SEC24D: variants seen among roughly 807,000 people sequenced by gnomAD.
SEC24D encodes the protein SEC24 homolog D, COPII component, also known as protein transport protein Sec24D.
A neutral mutation model predicts 116.9 loss-of-function variants in SEC24D; 69 were observed. The ratio of observed to expected loss-of-function variants is 0.59; its 90% CI spans 0.49 to 0.72. SEC24D has a LOEUF of 0.72. Ranked by LOEUF, SEC24D falls within the 30% of genes least tolerant of loss-of-function variation. SEC24D has a pLI of 0.00. For synonymous variants in SEC24D, 405 were observed against 442.8 expected (o/e 0.91, Z 1.07); for missense variants, 1,131 against 1,264.1 (o/e 0.89, Z 1.60).
rs772582210 is a variant in SEC24D, at chr4:118,815,523, G to C, written c.601C>G (p.Pro201Ala). 1 of 1,614,194 alleles carries C rather than the reference G, an allele frequency of 6.2e-7. No individual in the cohort carries two copies. Among genetic ancestry groups the C allele is most frequent in the Non-Finnish European group, 8.5e-7 (1 of 1,180,008 alleles). ...GGGGGCTGGTACTGGGCATTTGGAGGAGGAGGCCCAGAGAGCCCATCTGGT... is the reference window on the plus strand; with the variant it reads ...GGGGGCTGGTACTGGGCATTTGGAGCAGGAGGCCCAGAGAGCCCATCTGGT... Reference protein sequence around the residue: ...YRPDGLSGPPPPNAQYQPPPL... With the variant: ...YRPDGLSGPPAPNAQYQPPPL... Residue 201 changes from proline (P) to alanine (A), a missense_variant, in exon 5 of 23, where the codon CCT (proline) becomes GCT (alanine). Pro to Ala is a conservative substitution (Grantham distance 27). Transcript: ENST00000280551.
chr4:118,766,623 C>CA (rs1727655600), intron 9 of SEC24D: 2 of 152,320 alleles, frequency 1.3e-5, no homozygotes, highest in African/African-American at 4.8e-5. Flanking sequence ...CCTGAGCCGA[C>CA]ACTTTGGGTA....
At chr4:118,792,884 C>A (rs760248602) in intron 8 of SEC24D, among the ~76,000 whole-genome samples, 25 of 152,090 alleles carry the variant, frequency 1.6e-4, no homozygotes, top group Non-Finnish European at 3.2e-4. Flanking sequence ...CAAGAATGAT[C>A]AATAAATACT....
rs1234853039 is a variant in SEC24D at position 118,741,035 on chromosome 4, C to T, written c.1998G>A (p.Met666Ile). Residue 666 changes from methionine (M) to isoleucine (I), a missense_variant and splice_region_variant, in exon 16 of 23, where the codon ATG becomes ATA. Met to Ile is a conservative substitution (Grantham distance 10). Transcript: ENST00000280551. Reference sequence around the variant, plus strand: ...TCAAAAATTGTTGTCTATCCAAGTGCATCTAAAAAATAAAAGTCTAATCAA... The same window carrying T: ...TCAAAAATTGTTGTCTATCCAAGTGTATCTAAAAAATAAAAGTCTAATCAA... Reference protein sequence around the residue: ...GTLYKYNNFQMHLDRQQFLND... With the variant: ...GTLYKYNNFQIHLDRQQFLND... 8.4e-6 allele frequency: 13 copies of T among 1,548,622 alleles called. No homozygotes were observed. Among genetic ancestry groups the T allele is most frequent in the Non-Finnish European group, 9.6e-6 (11 of 1,140,174 alleles).
At chr4:118,778,710 G>A (rs192369583) in intron 8 of SEC24D, among the ~76,000 whole-genome samples, 249 of 152,248 alleles carry the variant, frequency 1.6e-3, no homozygotes, top group African/African-American at 5.6e-3. Flanking sequence ...CCATTTTCAC[G>A]ATATTGATTC....
chr4:118,752,663 T>C (rs1252987371), intron 12 of SEC24D, 34 bp downstream of exon 12: 1 of 1,486,048 alleles, frequency 6.7e-7, no homozygotes, highest in Non-Finnish European at 9.2e-7. Flanking sequence ...AAACACCTGA[T>C]TTACTTTTAA....
chr4:118,739,111 G>A (rs747329514), intron 18 of SEC24D, 38 bp downstream of exon 18: 36 of 1,607,352 alleles, frequency 2.2e-5, no homozygotes, highest in Non-Finnish European at 2.9e-5. Context: ...GAATTACTAA[G>A]CAAGGTTTAC....
intron 20 of SEC24D, among the ~76,000 whole-genome samples, chr4:118,732,392 G>T (rs1725738654): frequency 6.6e-6 from 1 of 152,012 alleles, no homozygotes; most frequent in African/African-American, 2.4e-5. Flanking sequence ...TGCCCGCCTT[G>T]GCCTCCCAAA....
chr4:118,827,259 C>A (rs533301255), intron 2 of SEC24D, among the ~76,000 whole-genome samples: 214 of 152,226 alleles, frequency 1.4e-3, no homozygotes, highest in African/African-American at 4.6e-3. Flanking sequence ...ACTTCACCCC[C>A]AGGGCAAAGG....
At chr4:118,733,107 T>C (rs1725777912) in intron 19 of SEC24D, 195 bp from the exon 20 acceptor site, 1 of 527,304 alleles carries the variant, frequency 1.9e-6, no homozygotes, top group South Asian at 2.3e-5. Context: ...CAGTTGTTTT[T>C]ATTTTATCTA....
chr4:118,796,525 AAAGG>A (rs1315632503), intron 8 of SEC24D, among the ~76,000 whole-genome samples: 6 of 152,176 alleles, frequency 3.9e-5, no homozygotes, highest in Admixed American at 6.5e-5. Context: ...TCTGCTCCCA[AAAGG>A]AAGTGTTGGC....
chr4:118,785,043 A>T (rs548768041), intron 8 of SEC24D, among the ~76,000 whole-genome samples: 74 of 152,194 alleles, frequency 4.9e-4, no homozygotes, highest in African/African-American at 1.8e-3. Context: ...TAGACCATGG[A>T]AACTGAACTC....
intron 8 of SEC24D, among the ~76,000 whole-genome samples, chr4:118,780,655 T>C (rs1175611752): frequency 1.3e-5 from 2 of 152,212 alleles, no homozygotes; most frequent in Non-Finnish European, 2.9e-5. Flanking sequence ...CTGGATATCC[T>C]TGTTAACCTT....
intron 8 of SEC24D, among the ~76,000 whole-genome samples, chr4:118,791,220 T>G (rs1033147805): frequency 2.0e-5 from 3 of 151,966 alleles, no homozygotes; most frequent in African/African-American, 7.3e-5. Context: ...TTTGGACACG[T>G]TAAGTTTGAG....
intron 22 of SEC24D, 70 bp from the exon 23 acceptor site, chr4:118,723,725 T>C (rs1725265145): frequency 1.3e-6 from 2 of 1,533,444 alleles, no homozygotes; most frequent in Non-Finnish European, 1.8e-6. Context: ...GTCAATTTTG[T>C]CTATTTCAAT....
At chr4:118,797,065 A>AGGTTGGAATT (rs540907473) in intron 8 of SEC24D, among the ~76,000 whole-genome samples, 3 of 152,298 alleles carry the variant, frequency 2.0e-5, no homozygotes, top group Admixed American at 6.5e-5. Context: ...GCAGCAGTGT[A>AGGTTGGAATT]GGTTGGAATT....
intron 11 of SEC24D, 132 bp downstream of exon 11, chr4:118,757,589 T>C: frequency 1.4e-6 from 1 of 697,122 alleles, no homozygotes; most frequent in East Asian, 2.9e-5. Context: ...ATGATGCTGT[T>C]TGATTTATGA....
intron 6 of SEC24D, among the ~76,000 whole-genome samples, chr4:118,810,074 CTGTGTGTGTGTGTGTGTGTG>C (rs71595321): frequency 1.1e-3 from 41 of 38,618 alleles, no homozygotes; most frequent in African/African-American, 3.4e-3. Flanking sequence ...TCAGAGGTAG[CTGTGTGTGTGTGTGTGTGTG>C]TGTGTGTGTG....
At chr4:118,824,589 A>G in intron 3 of SEC24D, 31 bp downstream of exon 3, 1 of 1,589,622 alleles carries the variant, frequency 6.3e-7, no homozygotes, top group Non-Finnish European at 8.5e-7. Flanking sequence ...AGGAGAATAT[A>G]CAAACGAAGG....
chr4:118,742,910 GC>G lies in SEC24D; in HGVS notation c.1995+1077del, dbSNP rs533460719. 1.9e-4 allele frequency among the ~76,000 whole-genome samples: 29 copies of G among 152,290 alleles called. 1 individual carries two copies. In the South Asian group the frequency reaches 5.6e-3, roughly 29 times the overall value. On this transcript the variant is annotated intron_variant, in intron 15 of 22. Coordinates refer to ENST00000280551, the MANE Select transcript of SEC24D (RefSeq NM_014822.4). ...CTCTCCATAGGAAGGCAGCTTGCCT[GC>G]AGGAGGCACATATTTTCTGTCCCTC...
Sources: allele counts gnomAD v4.1 joint callset (sites outside exome capture counted in the v4.1 genomes callset), GRCh38; gene constraint gnomAD v4.1.1; transcripts MANE v1.5; gene names NCBI Gene and HGNC (gene_info 2026-07-23, HGNC 2026-07-21).